Variants in SHROOM4 observed in about 807,000 individuals in gnomAD.
SHROOM4 encodes the protein shroom family member 4, also known as protein Shroom4.
Under a neutral mutation model 80.3 loss-of-function variants are expected in SHROOM4, and 17 were observed. The ratio of observed to expected loss-of-function variants is 0.21; its 90% CI spans 0.14 to 0.32. The LOEUF (loss-of-function observed/expected upper bound fraction) is 0.32. Ranked by LOEUF, SHROOM4 falls within the 10% of genes least tolerant of loss-of-function variation. The probability of loss-of-function intolerance (pLI) is 1.00; values close to 1 mark genes in which losing one functional copy is unlikely to be tolerated. For missense variants in SHROOM4, 993 were observed against 1,140.3 expected, an observed-to-expected ratio of 0.87 and a Z score of 1.86; for synonymous variants, 400 against 437.5, an observed-to-expected ratio of 0.91 and a Z score of 1.07.
chrX:50,585,867 T>A (rs932295713), downstream of SHROOM4, among the ~76,000 whole-genome samples: 19 of 110,746 alleles, frequency 1.7e-4, no homozygotes, highest in African/African-American at 5.9e-4. Context: ...GATTTTTTTT[T>A]ATAAAAGATT....
chrX:50,590,564 T>C lies in SHROOM4; in HGVS notation c.*6131A>G, dbSNP rs1447116816. ...CGCGCCTGGCCGAGACCAGATCCCT[T>C]TCTGTCTTTGCTGAGGACACAGCCA... On this transcript the variant is annotated 3_prime_UTR_variant, in exon 9 of 9. Transcript: ENST00000376020. Among the ~76,000 whole-genome samples, 2 of 112,017 alleles carry C rather than the reference T, an allele frequency of 1.8e-5. No individual in the cohort carries two copies. The highest frequency in any genetic ancestry group is 3.8e-5 in the Non-Finnish European group (2 of 53,177).
intron 1 of SHROOM4, among the ~76,000 whole-genome samples, chrX:50,717,318 A>C (rs1273667711): frequency 1.8e-5 from 2 of 111,795 alleles, no homozygotes; most frequent in Admixed American, 9.4e-5. Context: ...CCCGGGTTCA[A>C]GCGATTCTCC....
At chrX:50,630,571 T>C (rs1195182698) in intron 4 of SHROOM4, among the ~76,000 whole-genome samples, 1 of 111,213 alleles carries the variant, frequency 9.0e-6, no homozygotes, top group Non-Finnish European at 1.9e-5. Flanking sequence ...CTCTCCTCTT[T>C]TTTTCAACAT....
intron 1 of SHROOM4, among the ~76,000 whole-genome samples, chrX:50,709,685 A>G (rs1337858413): frequency 1.8e-5 from 2 of 112,390 alleles, no homozygotes; most frequent in African/African-American, 6.5e-5. Flanking sequence ...AGCTGGAGCT[A>G]AGGGGCATGC....
chrX:50,715,865 C>CAAA (rs201814516), intron 1 of SHROOM4, among the ~76,000 whole-genome samples: 1 of 84,680 alleles, frequency 1.2e-5, no homozygotes. Context: ...GTATATATTC[C>CAAA]AAAAAAAAAA....
At chrX:50,696,014 C>G (rs782767674) in intron 1 of SHROOM4, 77 bp from the exon 2 acceptor site, 3 of 1,114,612 alleles carry the variant, frequency 2.7e-6, no homozygotes, top group African/African-American at 3.6e-5. Context: ...TTCTTCCAAC[C>G]CTGGAGCCAC....
chrX:50,663,457 G>A (rs782230801), intron 2 of SHROOM4, among the ~76,000 whole-genome samples: 12 of 110,195 alleles, frequency 1.1e-4, no homozygotes, highest in Non-Finnish European at 1.1e-4. Flanking sequence ...TGTAGCATGA[G>A]CTCCTTACAT....
intron 8 of SHROOM4, among the ~76,000 whole-genome samples, chrX:50,597,507 C>CT (rs1271035081): frequency 2.5e-4 from 28 of 111,846 alleles, no homozygotes; most frequent in African/African-American, 9.1e-4. Context: ...ACCTGTGAAA[C>CT]TGACAGCTTT....
At chrX:50,748,072 G>T (rs1934815187) in intron 1 of SHROOM4, among the ~76,000 whole-genome samples, 1 of 111,985 alleles carries the variant, frequency 8.9e-6, no homozygotes, top group Admixed American at 9.5e-5. Context: ...CTGATGAACT[G>T]AAAGAGGAGA....
At chrX:50,599,008 TTGTGTGTG>T (rs57494031) in intron 7 of SHROOM4, among the ~76,000 whole-genome samples, 3 of 98,793 alleles carry the variant, frequency 3.0e-5, no homozygotes, top group Non-Finnish European at 6.1e-5. Context: ...GTGTGTGTGT[TTGTGTGTG>T]TGTGTGTGTG....
chrX:50,737,180 A>C (rs1050761315), intron 1 of SHROOM4, among the ~76,000 whole-genome samples: 1 of 111,647 alleles, frequency 9.0e-6, no homozygotes, highest in Admixed American at 9.6e-5. Flanking sequence ...GATGTATATC[A>C]TAAGTGCCAA....
intron 2 of SHROOM4, among the ~76,000 whole-genome samples, chrX:50,684,147 G>C (rs969484136): frequency 8.9e-6 from 1 of 112,013 alleles, no homozygotes; most frequent in Non-Finnish European, 1.9e-5. Context: ...TTTGGAGACA[G>C]AGCCTTTGCA....
At chrX:50,580,049 T>C in the SHROOM4 span, among the ~76,000 whole-genome samples, 3 of 111,406 alleles carry the variant, frequency 2.7e-5, no homozygotes, top group East Asian at 8.5e-4. Context: ...ATCTCTCACT[T>C]CTCCCTCACA....
chrX:50,697,772 A>T (rs545955669), intron 1 of SHROOM4, among the ~76,000 whole-genome samples: 5 of 111,650 alleles, frequency 4.5e-5, no homozygotes, highest in African/African-American at 1.6e-4. Flanking sequence ...TTATTACTTC[A>T]CAGTCACTGC....
At chrX:50,599,934 G>A (rs1294014646) in intron 7 of SHROOM4, among the ~76,000 whole-genome samples, 4 of 111,513 alleles carry the variant, frequency 3.6e-5, no homozygotes, top group African/African-American at 1.3e-4. Context: ...TTTCTTAAGG[G>A]AAGTGCTGTC....
intron 5 of SHROOM4, among the ~76,000 whole-genome samples, chrX:50,618,812 A>C (rs1602373333): frequency 8.9e-6 from 1 of 111,944 alleles, no homozygotes; most frequent in Admixed American, 9.4e-5. Context: ...AAAAAGGATA[A>C]ATCATTTTCC....
chrX:50,598,678 A>G lies in SHROOM4; in HGVS notation c.3943-143T>C, dbSNP rs1929243006. 4.3e-6 allele frequency: 3 copies of G among 701,625 alleles called. No homozygotes were observed. The East Asian group carries it at 1.1e-4, about 25-fold the overall frequency. The allele number at this position is 701,625 out of a possible 1,213,427, so 57.8% of individuals were successfully genotyped here. A position where few individuals can be genotyped will look rare whatever the true frequency, so the allele number is the denominator to read the frequency against. On this transcript the variant is annotated intron_variant, in intron 7 of 8. Coordinates refer to ENST00000376020, the MANE Select transcript of SHROOM4 (RefSeq NM_020717.5). ...ACTGGAAACAAAGGAAACTTGGGCA[A>G]GTCATGAGCAACTCCAGTCTTTTGG...
At chrX:50,658,887 C>T (rs1278188940) in intron 2 of SHROOM4, among the ~76,000 whole-genome samples, 1 of 111,438 alleles carries the variant, frequency 9.0e-6, no homozygotes, top group African/African-American at 3.3e-5. Flanking sequence ...TGTGAATGCA[C>T]AGCATTCAGG....
chrX:50,688,441 G>A (rs1933134393), intron 2 of SHROOM4, among the ~76,000 whole-genome samples: 1 of 111,196 alleles, frequency 9.0e-6, no homozygotes, highest in Non-Finnish European at 1.9e-5. Context: ...CAGCAACATG[G>A]AGGACGTTAT....
Sources: gnomAD v4.1 joint callset for allele counts (sites outside exome capture counted in the v4.1 genomes callset) on GRCh38, gnomAD v4.1.1 for gene constraint, MANE v1.5 for transcripts, NCBI Gene and HGNC (gene_info 2026-07-23, HGNC 2026-07-21) for gene names.